NUBPL: variants seen among roughly 807,000 people sequenced by gnomAD.
The protein encoded by NUBPL is iron-sulfur cluster transfer protein NUBPL.
In NUBPL, 31 loss-of-function variants were observed where a neutral mutation model predicts 45.7. That is an observed-to-expected ratio of 0.68 (90% CI 0.51 to 0.92). The LOEUF (loss-of-function observed/expected upper bound fraction) is 0.92. Among genes scored for constraint, NUBPL ranks in the 40% least tolerant of loss-of-function variants. The pLI is 0.00. For synonymous variants in NUBPL, 144 were observed against 140.9 expected, an observed-to-expected ratio of 1.02 and a Z score of -0.15; for missense variants, 401 against 398.7, an observed-to-expected ratio of 1.01 and a Z score of -0.05.
At chr14:31,584,638 T>C (rs905950576) in intron 3 of NUBPL, among the ~76,000 whole-genome samples, 13 of 152,214 alleles carry the variant, frequency 8.5e-5, no homozygotes, top group African/African-American at 3.1e-4. Context: ...CCTAGGCAAC[T>C]ACTAATCTAC....
At chr14:31,749,695 G>C (rs2038479232) in intron 6 of NUBPL, among the ~76,000 whole-genome samples, 1 of 151,778 alleles carries the variant, frequency 6.6e-6, no homozygotes, top group East Asian at 1.9e-4. Context: ...TTTTTGGCTT[G>C]ATTCTATTTG....
At chr14:31,577,468 C>T (rs1237066162) in intron 3 of NUBPL, among the ~76,000 whole-genome samples, 1 of 152,166 alleles carries the variant, frequency 6.6e-6, no homozygotes, top group African/African-American at 2.4e-5. Context: ...GGCTAGAGTG[C>T]AGTGGCCTGA....
chr14:31,669,420 A>T (rs117236306), intron 4 of NUBPL, among the ~76,000 whole-genome samples: 2 of 150,048 alleles, frequency 1.3e-5, no homozygotes, highest in East Asian at 3.9e-4. Flanking sequence ...AGGCTTATTT[A>T]TGTTTGTGAA....
intron 6 of NUBPL, among the ~76,000 whole-genome samples, chr14:31,707,735 C>T (rs2037486650): frequency 6.6e-6 from 1 of 152,212 alleles, no homozygotes; most frequent in Admixed American, 6.5e-5. Flanking sequence ...GGGCCTTCGG[C>T]CTAAACACCT....
chr14:31,605,262 C>G (rs1171328601), intron 4 of NUBPL, among the ~76,000 whole-genome samples: 1 of 152,134 alleles, frequency 6.6e-6, no homozygotes, highest in South Asian at 2.1e-4. Context: ...ACACATCTCT[C>G]TCTTAGTAGA....
intron 10 of NUBPL, among the ~76,000 whole-genome samples, chr14:31,852,871 G>A (rs1200173065): frequency 6.6e-6 from 1 of 152,048 alleles, no homozygotes; most frequent in African/African-American, 2.4e-5. Context: ...AAATAGAAAT[G>A]TGCTCTTAGA....
rs1176355622 is a variant in NUBPL, at chr14:31,798,608, C to T, written c.607+10735C>T. ...GAGAACGAGACCATCCTGGCTAACA[C>T]GGTGAAACCCTGTCTCTACTAAAAA... is the stretch of plus-strand genomic sequence containing the variant. On this transcript the variant is annotated intron_variant, in intron 7 of 10. Coordinates refer to ENST00000281081, the MANE Select transcript of NUBPL (RefSeq NM_025152.3). Among the ~76,000 whole-genome samples, 18 of 151,192 alleles carry T rather than the reference C, an allele frequency of 1.2e-4. No individual in the cohort carries two copies. The East Asian group carries it at 1.6e-3, about 13-fold the overall frequency.
chr14:31,772,389 C>T (rs1401078266), intron 6 of NUBPL, among the ~76,000 whole-genome samples: 1 of 152,128 alleles, frequency 6.6e-6, no homozygotes, highest in East Asian at 1.9e-4. Context: ...ATAACATCAC[C>T]TTCCTAGGTT....
At chr14:31,632,129 A>T (rs532671173) in intron 4 of NUBPL, among the ~76,000 whole-genome samples, 1 of 152,198 alleles carries the variant, frequency 6.6e-6, no homozygotes, top group Non-Finnish European at 1.5e-5. Flanking sequence ...AACACATAGC[A>T]TATTCAGAAT....
At position 31,707,512 on chromosome 14, in the gene NUBPL, T is replaced by A. The variant is rs187081951; in HGVS notation, c.513+33938T>A. Among the ~76,000 whole-genome samples, 141 of 152,330 alleles carry A rather than the reference T, an allele frequency of 9.3e-4. 1 individual carries two copies. Among genetic ancestry groups the A allele is most frequent in the Non-Finnish European group, 8.5e-4 (58 of 68,026 alleles). ...CTTTGACTTTTTGTCTCTCTGGTTC[T>A]CTCCTTGATTAGAGTATAGAGGGGC... On this transcript the variant is annotated intron_variant, in intron 6 of 10. Transcript: ENST00000281081.
intron 4 of NUBPL, among the ~76,000 whole-genome samples, chr14:31,635,423 G>T (rs1321860221): frequency 6.6e-6 from 1 of 151,814 alleles, no homozygotes; most frequent in South Asian, 2.1e-4. Flanking sequence ...TATTTCTGAG[G>T]GCTCTGTTCT....
chr14:31,621,238 G>C (rs968801763), intron 4 of NUBPL, among the ~76,000 whole-genome samples: 2 of 152,174 alleles, frequency 1.3e-5, no homozygotes, highest in Non-Finnish European at 2.9e-5. Context: ...GGGACTTGCC[G>C]AGCCAGACCA....
chr14:31,812,936 C>T (rs1014448493), intron 7 of NUBPL, among the ~76,000 whole-genome samples: 18 of 151,856 alleles, frequency 1.2e-4, no homozygotes, highest in African/African-American at 4.1e-4. Flanking sequence ...CCTCTTTTGT[C>T]CCCAGTGGTT....
chr14:31,749,727 T>C (rs538071981), intron 6 of NUBPL, among the ~76,000 whole-genome samples: 1 of 152,204 alleles, frequency 6.6e-6, no homozygotes, highest in South Asian at 2.1e-4. Context: ...GCTTCTTCAT[T>C]TGAATGTTTA....
chr14:31,654,770 A>G (rs1000758679), intron 4 of NUBPL, among the ~76,000 whole-genome samples: 2 of 152,156 alleles, frequency 1.3e-5, no homozygotes, highest in East Asian at 1.9e-4. Flanking sequence ...TCTTCTTTTC[A>G]TGAATGATTT....
chr14:31,596,192 C>A (rs1003643877), intron 3 of NUBPL, among the ~76,000 whole-genome samples: 3 of 151,960 alleles, frequency 2.0e-5, no homozygotes, highest in African/African-American at 4.8e-5. Context: ...CGTGAGCCAC[C>A]GCGCCCGGCC....
At chr14:31,758,450 T>A (rs1346992507) in intron 6 of NUBPL, among the ~76,000 whole-genome samples, 2 of 152,142 alleles carry the variant, frequency 1.3e-5, no homozygotes, top group Non-Finnish European at 2.9e-5. Flanking sequence ...ATGTAGAAAA[T>A]TCACAAAATG....
intron 7 of NUBPL, among the ~76,000 whole-genome samples, chr14:31,805,537 T>C (rs1186335319): frequency 2.0e-5 from 3 of 152,162 alleles, no homozygotes; most frequent in East Asian, 3.8e-4. Context: ...AATGGTAGAC[T>C]GAATAAAGAA....
chr14:31,842,059 T>A (rs1284242340), intron 8 of NUBPL, among the ~76,000 whole-genome samples: 2 of 149,874 alleles, frequency 1.3e-5, no homozygotes, highest in East Asian at 4.0e-4. Context: ...GCCTCCTGAG[T>A]AGCTGGGACT....
Sources: allele counts gnomAD v4.1 joint callset (sites outside exome capture counted in the v4.1 genomes callset), GRCh38; gene constraint gnomAD v4.1.1; transcripts MANE v1.5; gene names NCBI Gene and HGNC (gene_info 2026-07-23, HGNC 2026-07-21).